The following UNC13C variants were observed in gnomAD, a reference collection of about 807,000 sequenced individuals.
UNC13C encodes the protein protein unc-13 homolog C.
Under a neutral mutation model 245.4 loss-of-function variants are expected in UNC13C, and 174 were observed. The observed-to-expected ratio is 0.71, with a 90% CI of 0.63 to 0.80. The LOEUF (loss-of-function observed/expected upper bound fraction) is 0.80. Ranked by LOEUF, UNC13C falls within the 30% of genes least tolerant of loss-of-function variation. The probability of loss-of-function intolerance (pLI) is 0.00; values close to 1 mark genes in which losing one functional copy is unlikely to be tolerated. For synonymous variants in UNC13C, 992 were observed against 895.1 expected (o/e 1.11, Z -1.93); for missense variants, 2,829 against 2,602.9 (o/e 1.09, Z -1.89).
chr15:54,122,939 A>G (rs976440592), intron 2 of UNC13C, among the ~76,000 whole-genome samples: 3 of 152,050 alleles, frequency 2.0e-5, no homozygotes, highest in African/African-American at 7.2e-5. Flanking sequence ...TATTCATGTG[A>G]ACATGTATTT....
At chr15:53,908,959 C>T in the UNC13C span, among the ~76,000 whole-genome samples, 3 of 146,020 alleles carry the variant, frequency 2.1e-5, 1 homozygote, top group Non-Finnish European at 3.1e-5. Flanking sequence ...ATTGGTTCAA[C>T]ATATCTATAA....
chr15:54,539,941 A>C (rs1231544187), intron 26 of UNC13C, among the ~76,000 whole-genome samples: 1 of 152,070 alleles, frequency 6.6e-6, no homozygotes, highest in African/African-American at 2.4e-5. Flanking sequence ...TTATTGGTGG[A>C]AAGAGATAAC....
chr15:53,942,566 GA>G, the UNC13C span, among the ~76,000 whole-genome samples: 1,308 of 126,476 alleles, frequency 0.01, 14 homozygotes, highest in African/African-American at 0.03. Context: ...AATAAAAATT[GA>G]AAAAAAAAAA....
intron 10 of UNC13C, among the ~76,000 whole-genome samples, chr15:54,267,939 T>C (rs955062669): frequency 2.0e-5 from 3 of 151,920 alleles, no homozygotes; most frequent in Non-Finnish European, 4.4e-5. Context: ...TGAGGACTTT[T>C]CTTTCTTTCT....
rs779944389 is a variant in UNC13C at position 54,250,416 on chromosome 15, G to A, written c.3420G>A (p.Gln1140=). 6 of 1,612,672 alleles carry A rather than the reference G, an allele frequency of 3.7e-6. No homozygotes were observed. Among genetic ancestry groups the A allele is most frequent in the Non-Finnish European group, 5.1e-6 (6 of 1,179,342 alleles). The change falls in exon 8 of 33, where the codon CAG becomes CAA. Residue 1140 remains glutamine (Q), a synonymous_variant. Coordinates refer to ENST00000260323, the MANE Select transcript of UNC13C (RefSeq NM_001080534.3). ...GAGTGAAATGCCACGAAAAGTGTCA[G>A]GACCTGCTAAACGCTGACTGCTTGC... ...ECGVKCHEKC[Q]DLLNADCLQR... is the part of the protein sequence containing the mutation.
At chr15:53,992,087 T>A (rs1316704333) in intron 1 of UNC13C, among the ~76,000 whole-genome samples, 1 of 152,084 alleles carries the variant, frequency 6.6e-6, no homozygotes, top group African/African-American at 2.4e-5. Flanking sequence ...TTCAACCTTT[T>A]AAGAATTACT....
At chr15:53,982,790 C>T (rs148020725) in intron 1 of UNC13C, among the ~76,000 whole-genome samples, 95 of 152,188 alleles carry the variant, frequency 6.2e-4, no homozygotes, top group African/African-American at 2.2e-3. Context: ...GTCTGTTGGA[C>T]TGGTTAGATG....
At chr15:54,460,950 TTTTA>T (rs1891812581) in intron 19 of UNC13C, among the ~76,000 whole-genome samples, 2 of 152,200 alleles carry the variant, frequency 1.3e-5, no homozygotes, top group African/African-American at 4.8e-5. Context: ...TGTTTATATT[TTTTA>T]TTTATTTTAT....
At chr15:54,564,649 G>A (rs963218665) in intron 29 of UNC13C, among the ~76,000 whole-genome samples, 1 of 151,982 alleles carries the variant, frequency 6.6e-6, no homozygotes, top group African/African-American at 2.4e-5. Flanking sequence ...ATATTTCATG[G>A]AACACTTGTA....
intron 13 of UNC13C, among the ~76,000 whole-genome samples, chr15:54,312,442 A>G (rs1186853077): frequency 1.3e-5 from 2 of 151,766 alleles, no homozygotes; most frequent in African/African-American, 2.4e-5. Context: ...TTTAGCTTCT[A>G]TTGGTGAGTT....
At chr15:54,172,747 T>C (rs1193282466) in intron 4 of UNC13C, among the ~76,000 whole-genome samples, 1 of 77,408 alleles carries the variant, frequency 1.3e-5, no homozygotes, top group Non-Finnish European at 2.5e-5. Flanking sequence ...TATATATATA[T>C]ATATATATAT....
the UNC13C span, among the ~76,000 whole-genome samples, chr15:53,967,326 T>G: frequency 4.1e-3 from 483 of 118,012 alleles, 3 homozygotes; most frequent in African/African-American, 8.2e-3. Flanking sequence ...CACAATTTTT[T>G]TTTTGTTGTT....
intron 10 of UNC13C, among the ~76,000 whole-genome samples, chr15:54,266,851 A>T (rs1364858955): frequency 6.6e-6 from 1 of 152,010 alleles, no homozygotes; most frequent in Non-Finnish European, 1.5e-5. Flanking sequence ...TTCTGATGCT[A>T]TAGGATACTT....
At chr15:53,894,386 G>A in the UNC13C span, among the ~76,000 whole-genome samples, 2 of 152,172 alleles carry the variant, frequency 1.3e-5, no homozygotes, top group Non-Finnish European at 1.5e-5. Context: ...AGTTGCTTTG[G>A]CAGACACCGT....
chr15:54,119,808 A>G (rs1461231545), intron 2 of UNC13C, among the ~76,000 whole-genome samples: 1 of 152,198 alleles, frequency 6.6e-6, no homozygotes, highest in Non-Finnish European at 1.5e-5. Flanking sequence ...GCTCATATAA[A>G]GAAAGTTTTA....
chr15:54,225,961 A>C (rs966085982), intron 4 of UNC13C, among the ~76,000 whole-genome samples: 1 of 152,056 alleles, frequency 6.6e-6, no homozygotes, highest in Non-Finnish European at 1.5e-5. Flanking sequence ...AATGGCTCTT[A>C]TTATTTTGAG....
Position 54,136,304 on chromosome 15 carries a change from AT to A in UNC13C, c.2984-6704del, listed in dbSNP as rs879818226. On this transcript the variant is annotated intron_variant, in intron 2 of 32. Coordinates refer to ENST00000260323, the MANE Select transcript of UNC13C (RefSeq NM_001080534.3). ...AGGCATGTGCCACCATGCCCTGCAA[AT>A]TTTTTTTTTGTATTGTTTGTAGAGA... 2.6e-3 allele frequency among the ~76,000 whole-genome samples: 391 copies of A among 149,032 alleles called. 1 individual carries two copies. The highest frequency in any genetic ancestry group is 4.4e-3 in the Non-Finnish European group (294 of 66,954).
chr15:54,217,365 T>C (rs1223172698), intron 4 of UNC13C, among the ~76,000 whole-genome samples: 7 of 151,864 alleles, frequency 4.6e-5, no homozygotes, highest in African/African-American at 1.7e-4. Flanking sequence ...GGAAAGAAAG[T>C]CTGGAACAAA....
intron 24 of UNC13C, among the ~76,000 whole-genome samples, chr15:54,522,442 C>G (rs970305351): frequency 3.3e-5 from 5 of 152,070 alleles, no homozygotes; most frequent in African/African-American, 1.2e-4. Flanking sequence ...CGGGCCACTG[C>G]ACTCCAGCCT....
Sources: allele counts gnomAD v4.1 joint callset (sites outside exome capture counted in the v4.1 genomes callset), GRCh38; gene constraint gnomAD v4.1.1; transcripts MANE v1.5; gene names NCBI Gene and HGNC (gene_info 2026-07-23, HGNC 2026-07-21).